SUMF1: variants seen among roughly 807,000 people sequenced by gnomAD.
SUMF1 encodes formylglycine-generating enzyme.
SUMF1 carries 48 observed loss-of-function variants against 47.6 expected under a neutral mutation model. That is an observed-to-expected ratio of 1.01 (90% CI 0.80 to 1.28). The LOEUF (loss-of-function observed/expected upper bound fraction) is 1.28. Ranked by LOEUF, SUMF1 falls within the 50% of genes most tolerant of loss-of-function variation. The probability of loss-of-function intolerance (pLI) is 0.00; values close to 1 mark genes in which losing one functional copy is unlikely to be tolerated. For synonymous variants in SUMF1, 230 were observed against 192.1 expected (o/e 1.20, Z -1.63); for missense variants, 571 against 485.4 (o/e 1.18, Z -1.66).
chr3:4,384,746 G>A (rs1313129524), intron 7 of SUMF1, among the ~76,000 whole-genome samples: 1 of 151,980 alleles, frequency 6.6e-6, no homozygotes, highest in Non-Finnish European at 1.5e-5. Context: ...AGGACATTTC[G>A]GCTGTTTCTA....
chr3:4,275,637 G>C (rs1697398832), intron 8 of SUMF1, among the ~76,000 whole-genome samples: 1 of 152,194 alleles, frequency 6.6e-6, no homozygotes, highest in Non-Finnish European at 1.5e-5. Context: ...CCTATCTGCT[G>C]TAACTGGGGA....
chr3:4,146,105 G>A (rs1041707174), intron 8 of SUMF1, among the ~76,000 whole-genome samples: 3 of 152,038 alleles, frequency 2.0e-5, no homozygotes, highest in Non-Finnish European at 2.9e-5. Flanking sequence ...GCCCAAAACC[G>A]CCAGCAAAGC....
intron 8 of SUMF1, among the ~76,000 whole-genome samples, chr3:4,132,732 A>C (rs753659361): frequency 6.6e-6 from 1 of 152,134 alleles, no homozygotes. Context: ...CCGACCTTTA[A>C]GTCAACAGGC....
intron 8 of SUMF1, among the ~76,000 whole-genome samples, chr3:4,336,291 T>C (rs1017478880): frequency 6.6e-6 from 1 of 152,144 alleles, no homozygotes; most frequent in South Asian, 2.1e-4. Context: ...GTGAGGCAGA[T>C]GGTTACAGTC....
intron 8 of SUMF1, among the ~76,000 whole-genome samples, chr3:4,315,844 T>C (rs2125106640): frequency 6.6e-6 from 1 of 152,036 alleles, no homozygotes; most frequent in Middle Eastern, 3.4e-3. Flanking sequence ...CTTGGGAGTT[T>C]GAGACCACCC....
intron 8 of SUMF1, among the ~76,000 whole-genome samples, chr3:4,296,586 C>T (rs1402960289): frequency 1.3e-5 from 2 of 152,088 alleles, no homozygotes; most frequent in East Asian, 3.9e-4. Flanking sequence ...TTTATAAAAC[C>T]ATCAGATCTC....
At chr3:4,116,293 G>C (rs1693422390) in intron 8 of SUMF1, among the ~76,000 whole-genome samples, 1 of 152,108 alleles carries the variant, frequency 6.6e-6, no homozygotes, top group Non-Finnish European at 1.5e-5. Flanking sequence ...CATCTCTTTA[G>C]TGTGTTCAAG....
At chr3:4,372,456 T>A (rs1253471659) in intron 8 of SUMF1, among the ~76,000 whole-genome samples, 1 of 152,232 alleles carries the variant, frequency 6.6e-6, no homozygotes, top group Non-Finnish European at 1.5e-5. Flanking sequence ...ACCTATGCCA[T>A]GAACATTGCT....
At chr3:4,387,990 A>G (rs1445889904) in intron 7 of SUMF1, among the ~76,000 whole-genome samples, 2 of 152,042 alleles carry the variant, frequency 1.3e-5, no homozygotes, top group African/African-American at 4.8e-5. Flanking sequence ...ATGGCACAGG[A>G]TATGGTCTAA....
intron 8 of SUMF1, among the ~76,000 whole-genome samples, chr3:4,168,156 G>A (rs1694753750): frequency 6.6e-6 from 1 of 152,102 alleles, no homozygotes. Context: ...TTTGTTAATA[G>A]GAATTAAAGA....
At chr3:4,195,611 T>TC (rs1695410828) in intron 8 of SUMF1, among the ~76,000 whole-genome samples, 1 of 152,170 alleles carries the variant, frequency 6.6e-6, no homozygotes, top group South Asian at 2.1e-4. Context: ...ATTTGTTGAC[T>TC]CCCAGGTAGT....
intron 8 of SUMF1, among the ~76,000 whole-genome samples, chr3:4,247,133 T>G (rs1696689182): frequency 6.6e-6 from 1 of 152,178 alleles, no homozygotes; most frequent in East Asian, 1.9e-4. Context: ...GAGGCATATT[T>G]TTTCACTGCC....
At chr3:4,430,380 C>T (rs547348813) in intron 3 of SUMF1, among the ~76,000 whole-genome samples, 1 of 152,238 alleles carries the variant, frequency 6.6e-6, no homozygotes, top group Non-Finnish European at 1.5e-5. Context: ...AATTTTGGCT[C>T]TCCTATTACA....
At chr3:4,045,537 C>A (rs1190142686) in intron 9 of SUMF1, among the ~76,000 whole-genome samples, 1 of 151,910 alleles carries the variant, frequency 6.6e-6, no homozygotes, top group Non-Finnish European at 1.5e-5. Context: ...ATTATTTTAA[C>A]ACAAAATAAA....
At chr3:4,176,825 A>C (rs561996321) in intron 8 of SUMF1, among the ~76,000 whole-genome samples, 2 of 152,294 alleles carry the variant, frequency 1.3e-5, no homozygotes, top group Admixed American at 1.3e-4. Flanking sequence ...ATAGGTTCAA[A>C]ATGAAGGGAT....
chr3:4,104,818 A>G (rs1693121105), intron 8 of SUMF1, among the ~76,000 whole-genome samples: 1 of 151,848 alleles, frequency 6.6e-6, no homozygotes, highest in Non-Finnish European at 1.5e-5. Context: ...TTCTTTTTCT[A>G]TGCTCAAACA....
chr3:4,324,792 C>A (rs1193543796), intron 8 of SUMF1, among the ~76,000 whole-genome samples: 1 of 152,120 alleles, frequency 6.6e-6, no homozygotes, highest in African/African-American at 2.4e-5. Flanking sequence ...CCAAGCTCAA[C>A]TTTGCCTTTG....
chr3:4,216,336 A>G lies in SUMF1; in HGVS notation c.1015-147591T>C, dbSNP rs560986996. On this transcript the variant is annotated intron_variant and NMD_transcript_variant, in intron 8 of 12. Coordinates refer to the SUMF1 transcript ENST00000448413. ...ATGGTGTTGGGAAAATTGGCTAGCC[A>G]TATGCAATAAACTGAAACTGGAACC... Among the ~76,000 whole-genome samples the G allele has an allele frequency of 1.5e-3, 221 of 152,310 alleles. 2 individuals carry two copies. Among genetic ancestry groups the G allele is most frequent in the Admixed American group, 5.9e-3 (91 of 15,296 alleles).
At chr3:4,309,521 A>ACT (rs1365204961) in intron 8 of SUMF1, among the ~76,000 whole-genome samples, 1 of 152,232 alleles carries the variant, frequency 6.6e-6, no homozygotes, top group Non-Finnish European at 1.5e-5. Flanking sequence ...CCAACAAAAA[A>ACT]GGGAAGGAAT....
Sources: allele counts gnomAD v4.1 joint callset (sites outside exome capture counted in the v4.1 genomes callset), GRCh38; gene constraint gnomAD v4.1.1; transcripts MANE v1.5; gene names NCBI Gene and HGNC (gene_info 2026-07-23, HGNC 2026-07-21).